DNAH3: variants seen among roughly 807,000 people sequenced by gnomAD.
DNAH3 encodes axonemal beta dynein heavy chain 3.
In DNAH3, 332 loss-of-function variants were observed where a neutral mutation model predicts 432.5. The ratio of observed to expected loss-of-function variants is 0.77; its 90% CI spans 0.70 to 0.84. The LOEUF (loss-of-function observed/expected upper bound fraction) is 0.84, where lower values mean the gene tolerates loss of function less well. Ranked by LOEUF, DNAH3 falls within the 40% of genes least tolerant of loss-of-function variation. The probability of loss-of-function intolerance (pLI) is 0.00; values close to 1 mark genes in which losing one functional copy is unlikely to be tolerated. For synonymous variants in DNAH3, 1,956 were observed against 1,900.2 expected (o/e 1.03, Z -0.76); for missense variants, 4,861 against 5,114.0 (o/e 0.95, Z 1.51).
intron 47 of DNAH3, among the ~76,000 whole-genome samples, chr16:20,986,517 TA>T (rs1300141313): frequency 2.0e-5 from 3 of 151,268 alleles, no homozygotes; most frequent in South Asian, 2.1e-4. Flanking sequence ...TAAAAATAAA[TA>T]TTTTTTTTGT....
At chr16:21,051,864 G>T in exon 29 of DNAH3, 1 of 1,614,122 alleles carries the variant, frequency 6.2e-7, no homozygotes, top group South Asian at 1.1e-5. Context: ...CCACCACGTC[G>T]CGGGCTGTTG....
At chr16:20,963,953 G>A (rs912359217) in exon 53 of DNAH3, 1 of 1,614,148 alleles carries the variant, frequency 6.2e-7, no homozygotes, top group South Asian at 1.1e-5. Context: ...ATGTTGGCCA[G>A]GTCCGAGATA....
chr16:20,984,960 C>T lies in DNAH3; in HGVS notation c.7665+117G>A. On this transcript the variant is annotated intron_variant, in intron 48 of 61. Transcript: ENST00000261383. ...TGCGTTGGCTGAATCAACCCTGGGA[C>T]CATTGTAAGGGATTGGCCTGCTCAG... The T allele has an allele frequency of 2.6e-6, 3 of 1,134,728 alleles. No homozygotes were observed. In the Admixed American group the frequency reaches 7.2e-5, roughly 27 times the overall value. The allele number at this position is 1,134,728 out of a possible 1,614,324, so 70.3% of individuals were successfully genotyped here. A position where few individuals can be genotyped will look rare whatever the true frequency, so the allele number is the denominator to read the frequency against.
chr16:21,068,916 T>C (rs1597299419), intron 23 of DNAH3, among the ~76,000 whole-genome samples: 1 of 152,164 alleles, frequency 6.6e-6, no homozygotes, highest in African/African-American at 2.4e-5. Flanking sequence ...ATATTTGTAT[T>C]TGCTTTTTTT....
exon 53 of DNAH3, chr16:20,964,948 T>C (rs146327804): frequency 1.2e-6 from 2 of 1,614,052 alleles, no homozygotes; most frequent in African/African-American, 2.7e-5. Context: ...GGTCCATCTG[T>C]CCTTCTCTCC....
At chr16:21,111,923 CACTA>C in intron 13 of DNAH3, 66 bp downstream of exon 13, 1 of 1,542,632 alleles carries the variant, frequency 6.5e-7, no homozygotes, top group Non-Finnish European at 8.9e-7. Context: ...ACCAAAGAGA[CACTA>C]ACTGCTCATT....
At chr16:21,101,824 T>C (rs953882806) in intron 16 of DNAH3, among the ~76,000 whole-genome samples, 4 of 152,216 alleles carry the variant, frequency 2.6e-5, no homozygotes, top group African/African-American at 9.6e-5. Context: ...TCCCACCTCC[T>C]GCAGGGCTCT....
chr16:21,146,188 G>C, intron 1 of DNAH3, 100 bp from the exon 3 acceptor site: 2 of 716,936 alleles, frequency 2.8e-6, no homozygotes, highest in Non-Finnish European at 4.9e-6. Flanking sequence ...AAAGTTTTAG[G>C]TCCAGAGTTC....
intron 53 of DNAH3, among the ~76,000 whole-genome samples, chr16:20,962,936 G>T (rs1344847471): frequency 6.6e-6 from 1 of 152,170 alleles, no homozygotes; most frequent in African/African-American, 2.4e-5. Flanking sequence ...TGGGATTACA[G>T]GCATAAGCCA....
chr16:21,131,370 G>GAGGAAGGAAGGAAGGAAGGAAGGA (rs200848913), intron 7 of DNAH3, among the ~76,000 whole-genome samples: 1 of 149,904 alleles, frequency 6.7e-6, no homozygotes, highest in African/African-American at 2.5e-5. Flanking sequence ...CAGGGTCACA[G>GAGGAAGGAAGGAAGGAAGGAAGGA]AGGAAGGAAG....
At chr16:20,973,324 C>T (rs1051996948) in intron 51 of DNAH3, among the ~76,000 whole-genome samples, 3 of 152,024 alleles carry the variant, frequency 2.0e-5, no homozygotes, top group Non-Finnish European at 2.9e-5. Flanking sequence ...GCGATCTCAA[C>T]GCACTGTAAC....
At chr16:21,090,746 A>G (rs1261360731) in intron 18 of DNAH3, among the ~76,000 whole-genome samples, 2 of 152,188 alleles carry the variant, frequency 1.3e-5, no homozygotes, top group Non-Finnish European at 2.9e-5. Context: ...GATGAGGCAA[A>G]GGGATGGGGA....
rs182593570 is a variant in DNAH3, at chr16:21,137,296, C to T, written c.697-783G>A. 3.7e-4 allele frequency among the ~76,000 whole-genome samples: 56 copies of T among 150,760 alleles called. 1 individual carries two copies. The highest frequency in any genetic ancestry group is 1.2e-3 in the African/African-American group (51 of 41,008). On this transcript the variant is annotated intron_variant, in intron 5 of 61. Coordinates refer to ENST00000261383, the Ensembl canonical transcript of DNAH3. ...AAAAAAAAAGTAAAGGAATGACAAG[C>T]TCCTAAAATGGCCTCGAATCACATA...
At chr16:21,021,928 G>A in intron 40 of DNAH3, 43 bp downstream of exon 40, 1 of 1,606,686 alleles carries the variant, frequency 6.2e-7, no homozygotes, top group Non-Finnish European at 8.5e-7. Flanking sequence ...AGCCAAGGTA[G>A]ACCCACCCCC....
intron 1 of DNAH3, among the ~76,000 whole-genome samples, chr16:21,152,398 T>C (rs940103894): frequency 6.6e-6 from 1 of 152,184 alleles, no homozygotes; most frequent in Admixed American, 6.5e-5. Context: ...CGAGTTCCTA[T>C]GAAAAGCATT....
chr16:21,153,797 C>T (rs929377853), intron 1 of DNAH3, among the ~76,000 whole-genome samples: 10 of 152,194 alleles, frequency 6.6e-5, no homozygotes, highest in African/African-American at 1.9e-4. Flanking sequence ...TTCTTGAAGT[C>T]AGTGAGACCA....
At chr16:21,020,404 T>A (rs1174188103) in intron 40 of DNAH3, among the ~76,000 whole-genome samples, 174 of 75,920 alleles carry the variant, frequency 2.3e-3, no homozygotes, top group African/African-American at 7.3e-3. Context: ...TATATTTTTT[T>A]TTTTTTTTTT....
intron 20 of DNAH3, among the ~76,000 whole-genome samples, chr16:21,076,646 CAG>C (rs2090986025): frequency 6.6e-6 from 1 of 152,106 alleles, no homozygotes; most frequent in African/African-American, 2.4e-5. Flanking sequence ...CTACCTGACT[CAG>C]AGAATAAGGA....
intron 38 of DNAH3, among the ~76,000 whole-genome samples, chr16:21,025,205 G>A (rs1034307793): frequency 3.9e-5 from 6 of 152,000 alleles, no homozygotes; most frequent in African/African-American, 7.2e-5. Flanking sequence ...CTCCCAAAGC[G>A]CTGGGATTAC....
Sources: allele counts gnomAD v4.1 joint callset (sites outside exome capture counted in the v4.1 genomes callset), GRCh38; gene constraint gnomAD v4.1.1; transcripts MANE v1.5; gene names NCBI Gene and HGNC (gene_info 2026-07-23, HGNC 2026-07-21).